Variants in H2BC18 observed in about 807,000 individuals in gnomAD.
H2BC18 encodes histone H2B type 2-F.
Under a neutral mutation model 6.3 loss-of-function variants are expected in H2BC18, and 8 were observed. That is an observed-to-expected ratio of 1.28 (90% confidence interval 0.75 to 2.31). The LOEUF (loss-of-function observed/expected upper bound fraction) is 2.31, where lower values mean the gene tolerates loss of function less well. Ranked by LOEUF, H2BC18 falls within the 30% of genes most tolerant of loss-of-function variation. The pLI is 0.00. For missense variants in H2BC18, 106 were observed against 174.5 expected, an observed-to-expected ratio of 0.61 and a Z score of 2.21; for synonymous variants, 104 against 78.1, an observed-to-expected ratio of 1.33 and a Z score of -1.75.
chr1:149,793,830 T>C (rs2091768072), intron 1 of H2BC18: 1 of 1,224,582 alleles, frequency 8.2e-7, no homozygotes, highest in African/African-American at 1.6e-5. Flanking sequence ...CAGAGGTTCC[T>C]AGCCTGAGAA....
chr1:149,785,203 G>A (rs1336295859), intron 1 of H2BC18, among the ~76,000 whole-genome samples: 3 of 151,710 alleles, frequency 2.0e-5, no homozygotes, highest in African/African-American at 4.9e-5. Flanking sequence ...TTTAAACTTC[G>A]TTAAAAATGA....
chr1:149,812,284 C>T lies in H2BC18; in HGVS notation c.40G>A (p.Gly14Ser), dbSNP rs782777190. The change falls in exon 1 of 1, where the codon GGC (glycine) becomes AGC (serine). Residue 14 changes from glycine (G) to serine (S), a missense_variant. Transcript: ENST00000369167. ...PAKSAPAPKK[G>S]SKKAVTKVQK... ...ACTTTCGTAACAGCCTTTTTGGAGC[C>T]CTTCTTGGGAGCAGGAGCGGATTTC... 13 of 1,614,184 alleles carry T rather than the reference C, an allele frequency of 8.1e-6. No individual in the cohort carries two copies. Among genetic ancestry groups the T allele is most frequent in the Non-Finnish European group, 1.1e-5 (13 of 1,180,028 alleles).
chr1:149,792,676 G>T, intron 1 of H2BC18: 1 of 1,278,968 alleles, frequency 7.8e-7, no homozygotes, highest in Non-Finnish European at 1.0e-6. Context: ...AGCCGCCAGC[G>T]CCCGGGGACC....
At chr1:149,784,700 CTA>C (rs34346480) in intron 1 of H2BC18, among the ~76,000 whole-genome samples, 8,864 of 146,106 alleles carry the variant, frequency 0.061, 741 homozygotes, top group African/African-American at 0.2. Context: ...TATATATAAA[CTA>C]TATATATATA....
chr1:149,787,383 T>C (rs2091580975), intron 1 of H2BC18: 1 of 152,210 alleles, frequency 6.6e-6, no homozygotes, highest in Non-Finnish European at 1.5e-5. Flanking sequence ...GAAGCATTTT[T>C]GGTTATGTGT....
intron 1 of H2BC18, among the ~76,000 whole-genome samples, chr1:149,797,602 A>G (rs1254921007): frequency 6.6e-6 from 1 of 152,070 alleles, no homozygotes; most frequent in African/African-American, 2.4e-5. Flanking sequence ...TTCCTTTGTT[A>G]GCGTTTGAGT....
intron 1 of H2BC18, among the ~76,000 whole-genome samples, chr1:149,802,421 C>T (rs587706327): frequency 1.3e-5 from 2 of 152,088 alleles, no homozygotes; most frequent in South Asian, 4.2e-4. Flanking sequence ...AGTAAACATT[C>T]CAAACTAGAT....
At chr1:149,791,419 G>C (rs1371839579) in intron 1 of H2BC18, 1 of 1,603,738 alleles carries the variant, frequency 6.2e-7, no homozygotes, top group Non-Finnish European at 8.5e-7. Flanking sequence ...CAGCCTTCAA[G>C]AAGACAGACA....
chr1:149,807,389 A>G (rs1404059638), downstream of H2BC18, among the ~76,000 whole-genome samples: 11 of 151,832 alleles, frequency 7.2e-5, no homozygotes, highest in African/African-American at 2.2e-4. Context: ...CTACTCAGGA[A>G]GCTGAGGTGG....
intron 1 of H2BC18, among the ~76,000 whole-genome samples, chr1:149,801,404 T>C (rs683517): frequency 0.087 from 10,985 of 125,826 alleles, 3 homozygotes; most frequent in South Asian, 0.15. Flanking sequence ...GCATTAGAGA[T>C]GGGAAACTTG....
intron 1 of H2BC18, among the ~76,000 whole-genome samples, chr1:149,798,180 TTTGA>T (rs1352928235): frequency 2.0e-4 from 29 of 143,960 alleles, no homozygotes; most frequent in African/African-American, 7.3e-4. Context: ...GGAGGGCATG[TTTGA>T]TTATTTTATT....
intron 1 of H2BC18, chr1:149,786,375 G>C (rs2091550341): frequency 1.3e-5 from 2 of 151,922 alleles, no homozygotes; most frequent in South Asian, 4.2e-4. Flanking sequence ...CCACTCTGTG[G>C]CTTTTCTTTT....
At chr1:149,804,488 C>A (rs2091900444) in intron 1 of H2BC18, among the ~76,000 whole-genome samples, 1 of 152,206 alleles carries the variant, frequency 6.6e-6, no homozygotes, top group African/African-American at 2.4e-5. Flanking sequence ...TTCCTTAATG[C>A]AAGATGCTTA....
Position 149,793,154 on chromosome 1 carries a change from T to C in H2BC18, c.378-9894A>G, listed in dbSNP as rs3005605. The C allele has an allele frequency of 6.2e-3, 7,880 of 1,273,406 alleles. 299 individuals carry two copies. In the African/African-American group the frequency reaches 0.098, roughly 16 times the overall value. 78.9% of individuals were successfully genotyped at this position (1,273,406 alleles called of 1,614,324 possible). A position where few individuals can be genotyped will look rare whatever the true frequency, so the allele number is the denominator to read the frequency against. On this transcript the variant is annotated intron_variant, in intron 1 of 1. Transcript: ENST00000545683. ...GGCCGAGCCTCCGCGGAGAGGAGGATTGGTAGATCACAGGAAACGGGAGGA... is the reference window on the plus strand; with the variant it reads ...GGCCGAGCCTCCGCGGAGAGGAGGACTGGTAGATCACAGGAAACGGGAGGA...
chr1:149,784,613 GCAGTCACCTTC>G (rs1222549059), intron 1 of H2BC18, among the ~76,000 whole-genome samples: 2 of 150,852 alleles, frequency 1.3e-5, no homozygotes, highest in Non-Finnish European at 2.9e-5. Context: ...ACCTAGATCT[GCAGTCACCTTC>G]CACAGAAACA....
At chr1:149,788,269 G>A in intron 1 of H2BC18, 2 of 1,608,986 alleles carry the variant, frequency 1.2e-6, no homozygotes, top group Non-Finnish European at 1.7e-6. Context: ...GAGGCTGGAT[G>A]TTGCAAGGAG....
At chr1:149,790,044 T>C (rs1226461928) in intron 1 of H2BC18, 1 of 1,613,072 alleles carries the variant, frequency 6.2e-7, no homozygotes, top group Admixed American at 1.7e-5. Context: ...CCCATCAACT[T>C]TCTCCTTAGA....
At chr1:149,808,458 T>C (rs1553754102), downstream of H2BC18, among the ~76,000 whole-genome samples, 1 of 152,192 alleles carries the variant, frequency 6.6e-6, no homozygotes, top group Non-Finnish European at 1.5e-5. Flanking sequence ...ATTATATTTA[T>C]CTTTATGCCA....
chr1:149,792,408 T>G, intron 1 of H2BC18: 1 of 615,024 alleles, frequency 1.6e-6, no homozygotes, highest in Non-Finnish European at 2.2e-6. Context: ...GGCTGTAGTT[T>G]GGAGACAAAA....
Sources: allele counts gnomAD v4.1 joint callset (sites outside exome capture counted in the v4.1 genomes callset), GRCh38; gene constraint gnomAD v4.1.1; transcripts MANE v1.5; gene names NCBI Gene and HGNC (gene_info 2026-07-23, HGNC 2026-07-21).